Variants in SGCZ observed in about 807,000 individuals in gnomAD.
SGCZ encodes sarcoglycan zeta, also known as zeta-sarcoglycan.
Under a neutral mutation model 41.3 loss-of-function variants are expected in SGCZ, and 40 were observed. That is an observed-to-expected ratio of 0.97 (90% CI 0.75 to 1.26). The LOEUF is 1.26. SGCZ is among the 50% of genes most tolerant of loss of function. SGCZ has a pLI of 0.00. For missense variants in SGCZ, 552 were observed against 369.8 expected, an observed-to-expected ratio of 1.49 and a Z score of -4.04; for synonymous variants, 206 against 137.5, an observed-to-expected ratio of 1.50 and a Z score of -3.49.
intron 1 of SGCZ, among the ~76,000 whole-genome samples, chr8:15,054,961 CA>C (rs34309870): frequency 0.74 from 105,107 of 142,472 alleles, 38,321 homozygotes; most frequent in East Asian, 0.89. Context: ...GACTCCATCT[CA>C]AAAAAAAAAA....
intron 2 of SGCZ, among the ~76,000 whole-genome samples, chr8:14,379,833 G>T (rs944307456): frequency 6.6e-6 from 1 of 152,084 alleles, no homozygotes; most frequent in African/African-American, 2.4e-5. Context: ...CCGGGTTCAA[G>T]TGATTCTCCT....
chr8:14,241,262 T>A (rs576836545), intron 3 of SGCZ, among the ~76,000 whole-genome samples: 1 of 151,904 alleles, frequency 6.6e-6, no homozygotes, highest in Non-Finnish European at 1.5e-5. Flanking sequence ...ATAGTAGTAC[T>A]CTCTTATAGT....
chr8:14,878,848 A>C (rs1563333812), intron 1 of SGCZ, among the ~76,000 whole-genome samples: 1 of 152,208 alleles, frequency 6.6e-6, no homozygotes, highest in East Asian at 1.9e-4. Context: ...AGTTTCAAGA[A>C]ACAGATGGAC....
intron 1 of SGCZ, among the ~76,000 whole-genome samples, chr8:14,590,600 T>C (rs1200462919): frequency 6.6e-6 from 1 of 150,564 alleles, no homozygotes; most frequent in Non-Finnish European, 1.5e-5. Flanking sequence ...TGTTTTAAAG[T>C]GTATTTTATA....
intron 6 of SGCZ, 80 bp downstream of exon 6, chr8:14,108,083 T>A (rs1802260965): frequency 8.7e-7 from 1 of 1,155,552 alleles, no homozygotes; most frequent in East Asian, 2.4e-5. Context: ...TTTGTCTAGT[T>A]GTCTATTTTA....
chr8:14,980,864 T>TCTATCTCTATCTATCTATCTC lies in SGCZ; in HGVS notation c.39+256720_39+256721insGAGATAGATAGATAGAGATAG, dbSNP rs1432708979. ...TTAATAATCTGTCTCTCTATCTATC[T>TCTATCTCTATCTATCTATCTC]TTTATCTATCCATGCATACTTGTGC... On this transcript the variant is annotated intron_variant, in intron 1 of 7. Transcript: ENST00000382080. 7.9e-3 allele frequency among the ~76,000 whole-genome samples: 1,208 copies of TCTATCTCTATCTATCTATCTC among 152,268 alleles called. 11 individuals carry two copies. The highest frequency in any genetic ancestry group is 0.028 in the African/African-American group (1,153 of 41,562).
rs1209651031 is a variant in SGCZ, at chr8:14,834,119, T to G, written c.40-279193A>C. On this transcript the variant is annotated intron_variant, in intron 1 of 7. Transcript: ENST00000382080. Reference sequence around the variant, plus strand: ...TTGAAAAGGGCTTTAGATTTTTTTTTCATGATCCGTGATTCTCACTATGTC... The same window carrying G: ...TTGAAAAGGGCTTTAGATTTTTTTTGCATGATCCGTGATTCTCACTATGTC... Among the ~76,000 whole-genome samples, 4 of 152,344 alleles carry G rather than the reference T, an allele frequency of 2.6e-5. No homozygotes were observed. The South Asian group carries it at 8.3e-4, about 32-fold the overall frequency.
intron 1 of SGCZ, among the ~76,000 whole-genome samples, chr8:14,966,402 A>C (rs926220006): frequency 1.3e-5 from 2 of 151,692 alleles, no homozygotes; most frequent in African/African-American, 2.4e-5. Context: ...TCAAATAACT[A>C]CATGTTTATA....
intron 2 of SGCZ, among the ~76,000 whole-genome samples, chr8:14,390,174 A>G (rs566508628): frequency 5.3e-5 from 8 of 152,156 alleles, no homozygotes; most frequent in East Asian, 1.9e-4. Flanking sequence ...AAAGCAAATC[A>G]TATTAATAAA....
intron 2 of SGCZ, among the ~76,000 whole-genome samples, chr8:14,425,463 A>T (rs916879955): frequency 1.4e-4 from 22 of 152,032 alleles, no homozygotes; most frequent in African/African-American, 5.3e-4. Context: ...TCTACTAAAA[A>T]TACAAAAATT....
chr8:14,518,270 G>T (rs1802684669), intron 2 of SGCZ, among the ~76,000 whole-genome samples: 1 of 151,964 alleles, frequency 6.6e-6, no homozygotes, highest in South Asian at 2.1e-4. Flanking sequence ...CTGAAAATAT[G>T]CTAATCAACA....
chr8:15,061,776 T>C (rs1804947053), intron 1 of SGCZ, among the ~76,000 whole-genome samples: 1 of 152,108 alleles, frequency 6.6e-6, no homozygotes, highest in Non-Finnish European at 1.5e-5. Context: ...GTGAGACAGA[T>C]AAATTTCTAT....
intron 4 of SGCZ, among the ~76,000 whole-genome samples, chr8:14,235,346 A>T (rs1806717980): frequency 1.3e-5 from 2 of 152,234 alleles, no homozygotes; most frequent in South Asian, 4.1e-4. Context: ...TTTAAGTGTA[A>T]GCCTCAGTAG....
intron 1 of SGCZ, among the ~76,000 whole-genome samples, chr8:15,025,117 T>A (rs1029539877): frequency 1.3e-5 from 2 of 151,998 alleles, no homozygotes; most frequent in Non-Finnish European, 2.9e-5. Flanking sequence ...TTTAACATAA[T>A]GTTTATGAAT....
intron 1 of SGCZ, among the ~76,000 whole-genome samples, chr8:15,139,725 T>A (rs1300720860): frequency 6.6e-6 from 1 of 152,142 alleles, no homozygotes; most frequent in Non-Finnish European, 1.5e-5. Context: ...GACCTGTACA[T>A]CCTACATATC....
At chr8:15,006,015 T>C (rs545404047) in intron 1 of SGCZ, among the ~76,000 whole-genome samples, 60 of 152,246 alleles carry the variant, frequency 3.9e-4, no homozygotes, top group Non-Finnish European at 7.2e-4. Flanking sequence ...GGTTCTGTTT[T>C]ATTTATTTTG....
At chr8:14,324,884 A>C (rs1216006737) in intron 2 of SGCZ, among the ~76,000 whole-genome samples, 1 of 152,192 alleles carries the variant, frequency 6.6e-6, no homozygotes, top group Admixed American at 6.5e-5. Context: ...ACTACGATAA[A>C]GTTGTTAAGA....
chr8:14,265,499 T>C, intron 3 of SGCZ, among the ~76,000 whole-genome samples: 1 of 152,164 alleles, frequency 6.6e-6, no homozygotes, highest in East Asian at 1.9e-4. Flanking sequence ...ACGAATCTGC[T>C]TTTTTCAAAA....
chr8:14,146,392 G>A (rs79471256), intron 5 of SGCZ, among the ~76,000 whole-genome samples: 2,041 of 152,174 alleles, frequency 0.013, 49 homozygotes, highest in African/African-American at 0.045. Context: ...ACAAACTAAA[G>A]CCGAGGGATT....
Sources: gnomAD v4.1 joint callset for allele counts (sites outside exome capture counted in the v4.1 genomes callset) on GRCh38, gnomAD v4.1.1 for gene constraint, MANE v1.5 for transcripts, NCBI Gene and HGNC (gene_info 2026-07-23, HGNC 2026-07-21) for gene names.